PARD3B: variants seen among roughly 807,000 people sequenced by gnomAD.
PARD3B encodes par-3 family cell polarity regulator beta.
In PARD3B, 103 loss-of-function variants were observed where a neutral mutation model predicts 130.2. The observed-to-expected ratio is 0.79, with a 90% CI of 0.67 to 0.93. The LOEUF (loss-of-function observed/expected upper bound fraction) is 0.93, where lower values mean the gene tolerates loss of function less well. PARD3B is among the 40% of genes least tolerant of loss of function. PARD3B has a pLI of 0.00. For synonymous variants in PARD3B, 583 were observed against 553.2 expected (o/e 1.05, Z -0.76); for missense variants, 1,609 against 1,499.2 (o/e 1.07, Z -1.21).
chr2:205,020,415 C>T (rs1696507041), intron 3 of PARD3B, among the ~76,000 whole-genome samples: 1 of 152,030 alleles, frequency 6.6e-6, no homozygotes, highest in Non-Finnish European at 1.5e-5. Context: ...GCACATAAAA[C>T]TAGAAGCATA....
chr2:204,705,144 A>G (rs920111784), intron 2 of PARD3B, among the ~76,000 whole-genome samples: 1 of 152,104 alleles, frequency 6.6e-6, no homozygotes, highest in African/African-American at 2.4e-5. Flanking sequence ...TCAGCATCTT[A>G]TTTTCAGTGA....
chr2:204,603,158 G>C (rs1481354182), intron 1 of PARD3B, among the ~76,000 whole-genome samples: 1 of 152,116 alleles, frequency 6.6e-6, no homozygotes, highest in East Asian at 1.9e-4. Context: ...AAAAGTTAAA[G>C]GTACTGAATC....
intron 15 of PARD3B, among the ~76,000 whole-genome samples, chr2:205,239,192 GT>G (rs898334807): frequency 6.6e-6 from 1 of 151,730 alleles, no homozygotes; most frequent in Non-Finnish European, 1.5e-5. Context: ...GCCTTTTAAG[GT>G]CAAAGCTTGG....
In PARD3B at chr2:205,176,760, TC is replaced by T. The variant is rs2035497037; in HGVS notation, c.1924+185del. Among the ~76,000 whole-genome samples, 2 of 152,124 alleles carry T rather than the reference TC, an allele frequency of 1.3e-5. No individual in the cohort carries two copies. Among genetic ancestry groups the T allele is most frequent in the South Asian group, 4.2e-4 (2 of 4,812 alleles). On this transcript the variant is annotated intron_variant, in intron 13 of 22. Transcript: ENST00000406610. This position sits in a 1 kb window ranked among gnomAD's most constrained non-coding sequence, Gnocchi z 5.3. ...CTGACTCAGAACTTGTGAATCAGAT[TC>T]CTGGCAATGTCTCTAGTTTAAGTGA... is the stretch of plus-strand genomic sequence containing the variant.
At chr2:205,501,490 A>AT (rs1211860775) in intron 21 of PARD3B, among the ~76,000 whole-genome samples, 2 of 152,174 alleles carry the variant, frequency 1.3e-5, no homozygotes, top group Non-Finnish European at 2.9e-5. Context: ...ATCGAGATCG[A>AT]TTTACTGCCT....
At position 205,533,192 on chromosome 2, in the gene PARD3B, G is replaced by GAATT. The variant is rs2051680835; in HGVS notation, c.3181-20131_3181-20128dup. On this transcript the variant is annotated intron_variant, in intron 21 of 22. Coordinates refer to ENST00000406610, the MANE Select transcript of PARD3B (RefSeq NM_001302769.2). The stretch of plus-strand genomic sequence containing the variant: ...ATTTTCTTTAAGATGTGGATGTTTT[G>GAATT]AATTTATAAATTTTAATTTTTGTAT... Among the ~76,000 whole-genome samples the GAATT allele has an allele frequency of 2.0e-5, 3 of 146,636 alleles. No individual in the cohort carries two copies. The South Asian group carries it at 6.9e-4, about 34-fold the overall frequency.
chr2:205,359,110 T>G (rs2044297747), intron 18 of PARD3B, among the ~76,000 whole-genome samples: 1 of 152,248 alleles, frequency 6.6e-6, no homozygotes, highest in South Asian at 2.1e-4. Context: ...CCCAGCAATT[T>G]CATTCCCTGA....
chr2:205,212,557 G>T (rs1559548208), intron 15 of PARD3B, among the ~76,000 whole-genome samples: 1 of 152,114 alleles, frequency 6.6e-6, no homozygotes, highest in African/African-American at 2.4e-5. Context: ...GTGAAGTGGG[G>T]TGTAACCTGA....
intron 18 of PARD3B, among the ~76,000 whole-genome samples, chr2:205,376,427 T>A (rs548890724): frequency 8.5e-6 from 1 of 117,310 alleles, no homozygotes; most frequent in East Asian, 3.8e-4. Context: ...CTAGGAAGAA[T>A]GGCAGATCCT....
intron 22 of PARD3B, among the ~76,000 whole-genome samples, chr2:205,554,706 AATGGTACTG>A (rs1306560625): frequency 6.6e-6 from 1 of 152,210 alleles, no homozygotes; most frequent in African/African-American, 2.4e-5. Flanking sequence ...AGACAGTCAC[AATGGTACTG>A]ATTATGTACA....
chr2:204,705,601 CAAATATATTAACTTCTATTTAAT>C (rs1392808923), intron 2 of PARD3B, among the ~76,000 whole-genome samples: 1 of 152,078 alleles, frequency 6.6e-6, no homozygotes. Flanking sequence ...CTCTATTAAA[CAAATATATTAACTTCTATTTAAT>C]AGATGTCTGT....
intron 2 of PARD3B, among the ~76,000 whole-genome samples, chr2:204,888,326 C>G (rs2046330350): frequency 6.6e-6 from 1 of 151,840 alleles, no homozygotes; most frequent in African/African-American, 2.4e-5. Context: ...AGACCAAGAT[C>G]TGGCAGAGAA....
intron 2 of PARD3B, among the ~76,000 whole-genome samples, chr2:204,899,184 TCTCCCTTCC>T (rs200088765): frequency 0.012 from 1,755 of 140,812 alleles, 23 homozygotes; most frequent in Middle Eastern, 0.05. Context: ...GGTCTTCTCT[TCTCCCTTCC>T]CTCCCTTCCC....
chr2:205,089,054 G>A (rs1354982226), intron 4 of PARD3B, among the ~76,000 whole-genome samples: 2 of 151,870 alleles, frequency 1.3e-5, no homozygotes, highest in East Asian at 3.9e-4. Flanking sequence ...ACCTGCCTTG[G>A]CCTCCCAACG....
intron 21 of PARD3B, among the ~76,000 whole-genome samples, chr2:205,500,287 G>A (rs867779036): frequency 1.1e-4 from 17 of 152,160 alleles, no homozygotes; most frequent in Middle Eastern, 3.2e-3. Flanking sequence ...TTTGGGGGAA[G>A]CAGAAGTTAG....
intron 2 of PARD3B, among the ~76,000 whole-genome samples, chr2:204,861,736 G>A (rs981354552): frequency 6.6e-6 from 1 of 151,830 alleles, no homozygotes; most frequent in Non-Finnish European, 1.5e-5. Flanking sequence ...AAGACTAGTA[G>A]CATCTGACTG....
At chr2:205,371,186 A>G (rs1259281390) in intron 18 of PARD3B, among the ~76,000 whole-genome samples, 1 of 152,194 alleles carries the variant, frequency 6.6e-6, no homozygotes, top group Non-Finnish European at 1.5e-5. Flanking sequence ...TTGTTTCGAG[A>G]GAGAAATGAA....
intron 3 of PARD3B, among the ~76,000 whole-genome samples, chr2:205,037,114 AAAAC>A (rs1277022217): frequency 1.5e-5 from 2 of 131,324 alleles, no homozygotes; most frequent in African/African-American, 5.4e-5. Flanking sequence ...CTGTATATAT[AAAAC>A]AAATATACAT....
intron 1 of PARD3B, among the ~76,000 whole-genome samples, chr2:204,646,776 TG>T (rs1488028458): frequency 6.6e-6 from 1 of 152,028 alleles, no homozygotes; most frequent in Non-Finnish European, 1.5e-5. Flanking sequence ...GTATTACAGC[TG>T]CTCCTTTATA....
Sources: gnomAD v4.1 joint callset for allele counts (sites outside exome capture counted in the v4.1 genomes callset) on GRCh38, gnomAD v4.1.1 for gene constraint, Gnocchi (gnomAD v3.1) non-coding constraint, MANE v1.5 for transcripts, NCBI Gene and HGNC (gene_info 2026-07-23, HGNC 2026-07-21) for gene names.